Variants in TTC22 observed in about 807,000 individuals in gnomAD.
TTC22 encodes the protein tetratricopeptide repeat domain 22, also known as tetratricopeptide repeat protein 22.
A neutral mutation model predicts 48.2 loss-of-function variants in TTC22; 42 were observed. The observed-to-expected ratio is 0.87, with a 90% CI of 0.68 to 1.13. The LOEUF is 1.13. Ranked by LOEUF, TTC22 falls within the 50% of genes most tolerant of loss-of-function variation. The probability of loss-of-function intolerance (pLI) is 0.00; values close to 1 mark genes in which losing one functional copy is unlikely to be tolerated. For missense variants in TTC22, 784 were observed against 807.0 expected, an observed-to-expected ratio of 0.97 and a Z score of 0.34; for synonymous variants, 345 against 365.5, an observed-to-expected ratio of 0.94 and a Z score of 0.64.
chr1:54,796,407 C>T (rs896010285), intron 1 of TTC22, among the ~76,000 whole-genome samples: 1 of 152,250 alleles, frequency 6.6e-6, no homozygotes, highest in Non-Finnish European at 1.5e-5. Flanking sequence ...ACTGGGCCTA[C>T]CTGGGCAAGT....
intron 1 of TTC22, among the ~76,000 whole-genome samples, chr1:54,788,673 G>T (rs577807485): frequency 1.3e-5 from 2 of 152,236 alleles, no homozygotes; most frequent in Non-Finnish European, 2.9e-5. Context: ...AAACCCCCCA[G>T]TGCATATCAG....
chr1:54,786,634 AC>A (rs1452889193), intron 4 of TTC22: 2 of 291,614 alleles, frequency 6.9e-6, no homozygotes, highest in African/African-American at 4.3e-5. Context: ...CACCAGCTAA[AC>A]CCATCTTTCT....
rs374037808 is a variant in TTC22, at chr1:54,788,248, C to T, written c.568-151G>A. 2.9e-5 allele frequency: 21 copies of T among 734,048 alleles called. 2 individuals are homozygous for T. The African/African-American group carries it at 3.5e-4, about 12-fold the overall frequency. 45.5% of individuals were successfully genotyped at this position (734,048 alleles called of 1,614,324 possible). ...ACCTTTGATTACAGTCCTGGTTCTG[C>T]CCCTGACTGGCTGGGTGGCCTTGGG... On this transcript the variant is annotated intron_variant, in intron 1 of 6. Transcript: ENST00000371276.
chr1:54,781,690 C>T lies in TTC22; in HGVS notation c.1263G>A (p.Lys421=). 1 of 1,530,500 alleles carries T rather than the reference C, an allele frequency of 6.5e-7. No homozygotes were observed. The highest frequency in any genetic ancestry group is 8.7e-7 in the Non-Finnish European group (1 of 1,144,236). 94.8% of individuals were successfully genotyped at this position (1,530,500 alleles called of 1,614,324 possible). The part of the protein sequence containing the change: ...ALNQALVFLA[K]AGESELGATL... The stretch of plus-strand genomic sequence containing the variant: ...TGGCACCCAGCTCCGACTCGCCCGC[C>T]TTGGCCAGGAACACCAGCGCCTGGT... The change falls in exon 7 of 7, where the codon AAG becomes AAA. Residue 421 remains lysine (K), a synonymous_variant. Transcript: ENST00000371276.
At chr1:54,791,221 G>A (rs1646349425) in intron 1 of TTC22, among the ~76,000 whole-genome samples, 1 of 152,202 alleles carries the variant, frequency 6.6e-6, no homozygotes, top group Admixed American at 6.5e-5. Context: ...TTTGAGGTTG[G>A]CTCAACTGAG....
At chr1:54,795,111 C>T (rs762547464) in intron 1 of TTC22, among the ~76,000 whole-genome samples, 2 of 152,220 alleles carry the variant, frequency 1.3e-5, no homozygotes, top group Non-Finnish European at 2.9e-5. Context: ...CCTGCCTTGT[C>T]AGGTGTGGGG....
At chr1:54,785,702 A>C in intron 5 of TTC22, 1 of 420,750 alleles carries the variant, frequency 2.4e-6, no homozygotes, top group Non-Finnish European at 4.5e-6. Flanking sequence ...AGTCCCAGCT[A>C]TTTGGGAGGC....
intron 1 of TTC22, among the ~76,000 whole-genome samples, chr1:54,795,296 T>C (rs1646382460): frequency 6.6e-6 from 1 of 152,232 alleles, no homozygotes. Flanking sequence ...GGAGGGAATT[T>C]GGGACTTGGG....
At chr1:54,787,602 G>A (rs1450163766) in intron 3 of TTC22, 109 bp downstream of exon 3, 2 of 802,048 alleles carry the variant, frequency 2.5e-6, no homozygotes, top group Non-Finnish European at 4.2e-6. Context: ...AGCGAAGGAG[G>A]AAGAAACAGG....
At chr1:54,799,616 G>A (rs533975160) in intron 1 of TTC22, among the ~76,000 whole-genome samples, 1 of 152,198 alleles carries the variant, frequency 6.6e-6, no homozygotes, top group East Asian at 1.9e-4. Flanking sequence ...AATCTTGGTT[G>A]TGCCTTCCAC....
intron 1 of TTC22, among the ~76,000 whole-genome samples, chr1:54,793,237 G>T (rs1646366597): frequency 6.6e-6 from 1 of 152,184 alleles, no homozygotes; most frequent in Non-Finnish European, 1.5e-5. Context: ...GAGGGAACTA[G>T]GCGAGGCCCA....
chr1:54,781,351 G>T lies in TTC22; in HGVS notation c.1602C>A (p.Ala534=). ...GCGCCGGCCGTCCCTGGGCCACCAG[G>T]GCCCGGGCCAGCCCCAACACCTCGT... ...HTDEVLGLAR[A]LVAQGRPALV... is the part of the protein sequence containing the mutation. Residue 534 remains alanine (A), a synonymous_variant, in exon 7 of 7, where the codon GCC becomes GCA. Transcript: ENST00000371276. 7.1e-7 allele frequency: 1 copy of T among 1,404,544 alleles called. No homozygotes were observed. 87.0% of individuals were successfully genotyped at this position (1,404,544 alleles called of 1,614,324 possible).
At chr1:54,790,093 G>A (rs1242307950) in intron 1 of TTC22, among the ~76,000 whole-genome samples, 1 of 152,204 alleles carries the variant, frequency 6.6e-6, no homozygotes, top group Non-Finnish European at 1.5e-5. Flanking sequence ...AGAGCTGGAG[G>A]GTTGGGCGCA....
intron 5 of TTC22, chr1:54,785,241 C>G (rs1027632099): frequency 1.9e-5 from 4 of 211,818 alleles, no homozygotes; most frequent in Non-Finnish European, 2.9e-5. Flanking sequence ...AGAAAAGCAC[C>G]CCCTATGTCC....
intron 1 of TTC22, among the ~76,000 whole-genome samples, chr1:54,798,004 A>G (rs1197005686): frequency 1.4e-4 from 21 of 152,124 alleles, no homozygotes; most frequent in Admixed American, 1.4e-3. Flanking sequence ...GGACACATGG[A>G]AACCCACCCA....
chr1:54,800,140 G>A (rs994308322), intron 1 of TTC22, among the ~76,000 whole-genome samples: 1 of 152,140 alleles, frequency 6.6e-6, no homozygotes, highest in Non-Finnish European at 1.5e-5. Flanking sequence ...CATGGAAAAG[G>A]CACTGAGGGG....
Position 54,800,684 on chromosome 1 carries a change from G to A in TTC22, c.480C>T (p.Asp160=), listed in dbSNP as rs749530058. 10 of 1,551,610 alleles carry A rather than the reference G, an allele frequency of 6.4e-6. No homozygotes were observed. The highest frequency in any genetic ancestry group is 6.9e-6 in the Non-Finnish European group (8 of 1,157,716). The part of the protein sequence containing the change: ...LAEQGYAHGF[D]VGCASPEERA... ...GCTCCTCTGGGCTGGCGCAGCCGAC[G>A]TCGAAGCCATGCGCGTAGCCCTGCT... The change falls in exon 1 of 7, where the codon GAC becomes GAT. Residue 160 remains aspartate, a synonymous_variant. Coordinates refer to ENST00000371276, the MANE Select transcript of TTC22 (RefSeq NM_001114108.2).
Position 54,787,047 on chromosome 1 carries a change from C to A in TTC22, c.768G>T (p.Leu256=). The A allele has an allele frequency of 6.5e-7, 1 of 1,543,256 alleles. No individual in the cohort carries two copies. Residue 256 remains leucine, a synonymous_variant, in exon 4 of 7, where the codon CTG becomes CTT. Transcript: ENST00000371276. The part of the protein sequence containing the change: ...RALAWCYLGM[L]LERKDTFSTT... ...TGGAGAAGGTGTCCTTCCGCTCCAG[C>A]AGCATCCCGAGGTAGCACCAGGCCA...
chr1:54,801,119 G>A lies in TTC22; in HGVS notation c.45C>T (p.Ile15=). ...EAVADDLDAL[I]DDLDYLPGHF... is the part of the protein sequence containing the mutation. ...GGCCCGGGAGGTAGTCCAGGTCGTC[G>A]ATGAGGGCGTCTAGATCGTCGGCCA... Residue 15 remains isoleucine, a synonymous_variant, in exon 1 of 7, where the codon ATC becomes ATT. Coordinates refer to ENST00000371276, the MANE Select transcript of TTC22 (RefSeq NM_001114108.2). 1.2e-6 allele frequency: 2 copies of A among 1,611,408 alleles called. No individual in the cohort carries two copies. Among genetic ancestry groups the A allele is most frequent in the Non-Finnish European group, 1.7e-6 (2 of 1,178,846 alleles).
Sources: gnomAD v4.1 joint callset for allele counts (sites outside exome capture counted in the v4.1 genomes callset) on GRCh38, gnomAD v4.1.1 for gene constraint, MANE v1.5 for transcripts, NCBI Gene and HGNC (gene_info 2026-07-23, HGNC 2026-07-21) for gene names.